Variants in DOCK11 observed in about 807,000 individuals in gnomAD.
DOCK11 encodes dedicator of cytokinesis 11, also known as dedicator of cytokinesis protein 11.
In DOCK11, 70 loss-of-function variants were observed where a neutral mutation model predicts 169.1. The ratio of observed to expected loss-of-function variants is 0.41; its 90% CI spans 0.34 to 0.51. The LOEUF (loss-of-function observed/expected upper bound fraction) is 0.51. DOCK11 is among the 20% of genes least tolerant of loss of function. DOCK11 has a pLI of 0.10. For missense variants in DOCK11, 1,166 were observed against 1,538.8 expected (o/e 0.76, Z 4.05); for synonymous variants, 529 against 541.3 (o/e 0.98, Z 0.32).
intron 46 of DOCK11, among the ~76,000 whole-genome samples, chrX:118,672,626 A>T (rs918631473): frequency 8.9e-6 from 1 of 112,272 alleles, no homozygotes; most frequent in Non-Finnish European, 1.9e-5. Context: ...TAGTAGAGGC[A>T]GGGTTTCACC....
chrX:118,654,616 C>T lies in DOCK11; in HGVS notation c.4710C>T (p.Pro1570=), dbSNP rs756331574. ...TTTGAAATTAGGCAACTGCCTTTCC[C>T]GCAGAAGTCAAAGACTTGACCAAGA... is the stretch of plus-strand genomic sequence containing the variant. ...SDRPMKATAF[P]AEVKDLTKRI... is the part of the protein sequence containing the mutation. The change falls in exon 43 of 53, where the codon CCC becomes CCT. Residue 1570 remains proline (P), a synonymous_variant. Coordinates refer to ENST00000276202, the MANE Select transcript of DOCK11 (RefSeq NM_144658.4). The T allele has an allele frequency of 1.4e-5, 17 of 1,210,250 alleles. No individual in the cohort carries two copies. The highest frequency in any genetic ancestry group is 6.7e-6 in the Non-Finnish European group (6 of 894,947).
At chrX:118,543,839 A>G (rs751230282) in intron 4 of DOCK11, among the ~76,000 whole-genome samples, 8 of 111,659 alleles carry the variant, frequency 7.2e-5, no homozygotes, top group Admixed American at 6.7e-4. Flanking sequence ...AGTCTCAGCT[A>G]CTTGGGAGGG....
intron 32 of DOCK11, among the ~76,000 whole-genome samples, chrX:118,626,399 C>T (rs1261209987): frequency 9.0e-6 from 1 of 111,188 alleles, no homozygotes; most frequent in Non-Finnish European, 1.9e-5. Flanking sequence ...CGTGGTCACC[C>T]CTTTTCCAAA....
chrX:118,632,294 T>C (rs1248066160), intron 35 of DOCK11: 1 of 112,144 alleles, frequency 8.9e-6, no homozygotes, highest in Non-Finnish European at 1.9e-5. Context: ...GTTCCTCTTA[T>C]TCTTGCAAAT....
rs765721414 is a variant in DOCK11, at chrX:118,651,932, A to G, written c.4582-32A>G. ...CATAGACAGCATTTGTTCAAAAGTT[A>G]TTTGGAAAATAATATTTACTTCTTC... is the stretch of plus-strand genomic sequence containing the variant. On this transcript the variant is annotated intron_variant, in intron 41 of 52. Coordinates refer to ENST00000276202, the MANE Select transcript of DOCK11 (RefSeq NM_144658.4). 1.2e-5 allele frequency: 13 copies of G among 1,060,134 alleles called. No individual in the cohort carries two copies. In the East Asian group the frequency reaches 3.6e-4, roughly 30 times the overall value. The allele number at this position is 1,060,134 out of a possible 1,213,427, so 87.4% of individuals were successfully genotyped here.
In DOCK11 at chrX:118,686,116, G is replaced by A. The variant is rs1251311035; in HGVS notation, c.*309G>A. The stretch of plus-strand genomic sequence containing the variant: ...ATGGTACTATGTAAAATTGTATAAT[G>A]GAATACAATAAAAGGTAAAACTTAT... On this transcript the variant is annotated 3_prime_UTR_variant, in exon 53 of 53. Coordinates refer to ENST00000276202, the MANE Select transcript of DOCK11 (RefSeq NM_144658.4). 3 of 164,898 alleles carry A rather than the reference G, an allele frequency of 1.8e-5. No individual in the cohort carries two copies. The highest frequency in any genetic ancestry group is 6.1e-5 in the African/African-American group (2 of 32,856). The allele number at this position is 164,898 out of a possible 1,213,427, so 13.6% of individuals were successfully genotyped here. A position where few individuals can be genotyped will look rare whatever the true frequency, so the allele number is the denominator to read the frequency against.
At chrX:118,685,528 A>G in intron 52 of DOCK11, 160 bp from the exon 53 acceptor site, 1 of 597,566 alleles carries the variant, frequency 1.7e-6, no homozygotes, top group Non-Finnish European at 2.5e-6. Flanking sequence ...AGCTTTGAAG[A>G]CTTAAGTCGG....
In DOCK11 at chrX:118,654,705, T is replaced by G; in HGVS notation, c.4799T>G (p.Leu1600Arg). 1 of 1,211,917 alleles carries G rather than the reference T, an allele frequency of 8.3e-7. No homozygotes were observed. Among genetic ancestry groups the G allele is most frequent in the Non-Finnish European group, 1.1e-6 (1 of 895,497 alleles). Residue 1600 changes from leucine to arginine, a missense_variant, in exon 43 of 53, where the codon CTA becomes CGA. Physicochemically the swap from Leu to Arg is moderately radical, Grantham distance 102 (BLOSUM62 -2). Transcript: ENST00000276202. The stretch of plus-strand genomic sequence containing the variant: ...GAGCATGAGAAAGACCCTGAAATGC[T>G]AATTGATCTCCAGTATAGCTTAGCC... ...MKEHEKDPEM[L>R]IDLQYSLAKS...
At chrX:118,682,041 G>A (rs1282424365) in intron 51 of DOCK11, among the ~76,000 whole-genome samples, 1 of 111,295 alleles carries the variant, frequency 9.0e-6, no homozygotes, top group African/African-American at 3.3e-5. Flanking sequence ...ATATTGCTTT[G>A]AATATTTTAA....
intron 41 of DOCK11, among the ~76,000 whole-genome samples, chrX:118,650,565 C>G (rs1443985005): frequency 8.9e-6 from 1 of 111,864 alleles, no homozygotes; most frequent in Non-Finnish European, 1.9e-5. Flanking sequence ...GTGTATGCTT[C>G]CTGTAAAAGT....
At chrX:118,606,150 C>T (rs1383213511) in intron 24 of DOCK11, among the ~76,000 whole-genome samples, 1 of 95,651 alleles carries the variant, frequency 1.0e-5, no homozygotes, top group Non-Finnish European at 2.0e-5. Context: ...TGCAATGTCT[C>T]ACTTCGCCTC....
intron 1 of DOCK11, among the ~76,000 whole-genome samples, chrX:118,530,330 G>C (rs1010654996): frequency 1.8e-5 from 2 of 113,144 alleles, no homozygotes; most frequent in African/African-American, 6.4e-5. Flanking sequence ...AGCCTATGCT[G>C]TCATTTTATG....
intron 6 of DOCK11, among the ~76,000 whole-genome samples, chrX:118,550,387 C>T (rs5957025): frequency 0.073 from 8,061 of 109,821 alleles, 786 homozygotes; most frequent in African/African-American, 0.26. Context: ...TGTAGTGAGG[C>T]GAGATTGAGC....
chrX:118,651,037 A>T (rs904009977), intron 41 of DOCK11, among the ~76,000 whole-genome samples: 2 of 111,955 alleles, frequency 1.8e-5, no homozygotes, highest in Non-Finnish European at 3.8e-5. Context: ...GCCCATACAC[A>T]TGGCTATTAC....
intron 35 of DOCK11, chrX:118,633,740 G>A (rs1446344380): frequency 8.9e-6 from 1 of 112,565 alleles, no homozygotes; most frequent in Non-Finnish European, 1.9e-5. Flanking sequence ...CGATTTGATA[G>A]GCACATGCCT....
At chrX:118,597,834 A>C (rs1313820203) in intron 21 of DOCK11, among the ~76,000 whole-genome samples, 196 bp from the exon 22 acceptor site, 1 of 112,025 alleles carries the variant, frequency 8.9e-6, no homozygotes, top group Admixed American at 9.5e-5. Flanking sequence ...TAATTTATAA[A>C]AATAGTCTGC....
At chrX:118,516,022 T>TATATATATATATATATA (rs1477771599) in intron 1 of DOCK11, among the ~76,000 whole-genome samples, 9 of 88,286 alleles carry the variant, frequency 1.0e-4, no homozygotes, top group African/African-American at 1.4e-4. Context: ...TATATATACA[T>TATATATATATATATATA]TCTTACACCA....
intron 49 of DOCK11, 131 bp downstream of exon 49, chrX:118,680,823 T>C (rs1005326520): frequency 3.2e-6 from 2 of 619,096 alleles, no homozygotes; most frequent in African/African-American, 4.6e-5. Flanking sequence ...AGTTACAAGT[T>C]TGCACAAGCA....
At chrX:118,653,615 T>C (rs954866013) in intron 42 of DOCK11, among the ~76,000 whole-genome samples, 1 of 111,206 alleles carries the variant, frequency 9.0e-6, no homozygotes, top group Non-Finnish European at 1.9e-5. Flanking sequence ...GATTTCACCA[T>C]GTTGGCCAGG....
Sources: gnomAD v4.1 joint callset for allele counts (sites outside exome capture counted in the v4.1 genomes callset) on GRCh38, gnomAD v4.1.1 for gene constraint, MANE v1.5 for transcripts, NCBI Gene and HGNC (gene_info 2026-07-23, HGNC 2026-07-21) for gene names.